The following TGFA variants were observed in gnomAD, a reference collection of about 807,000 sequenced individuals.
The protein encoded by TGFA is protransforming growth factor alpha.
Under a neutral mutation model 21.7 loss-of-function variants are expected in TGFA, and 12 were observed. The observed-to-expected ratio is 0.55, with a 90% confidence interval of 0.35 to 0.90. The LOEUF (loss-of-function observed/expected upper bound fraction) is 0.90, where lower values mean the gene tolerates loss of function less well. TGFA is among the 40% of genes least tolerant of loss of function. TGFA has a pLI of 0.01. For synonymous variants in TGFA, 79 were observed against 88.1 expected (o/e 0.90, Z 0.58); for missense variants, 178 against 210.8 (o/e 0.84, Z 0.96).
intron 4 of TGFA, among the ~76,000 whole-genome samples, chr2:70,454,076 C>T (rs567402965): frequency 6.6e-6 from 1 of 152,164 alleles, no homozygotes; most frequent in South Asian, 2.1e-4. Flanking sequence ...CAGACGCTAC[C>T]AGCCATTTCC....
chr2:70,512,179 C>T (rs569938278), intron 2 of TGFA, among the ~76,000 whole-genome samples: 10 of 152,262 alleles, frequency 6.6e-5, no homozygotes, highest in Admixed American at 5.2e-4. Context: ...CGGTCATCAC[C>T]ACTTGGACTT....
rs567619354 is a variant in TGFA, at chr2:70,516,192, C to T, written c.41-1280G>A. On this transcript the variant is annotated intron_variant, in intron 1 of 5. Transcript: ENST00000295400. ...CAAAAAGATGCCACAGTTGCTGTGC[C>T]GAGGGGCTGGGCCTCTGACAGGTTA... Among the ~76,000 whole-genome samples, 15 of 152,312 alleles carry T rather than the reference C, an allele frequency of 9.8e-5. No homozygotes were observed. The South Asian group carries it at 2.3e-3, about 23-fold the overall frequency.
chr2:70,502,559 G>A (rs1482713487), intron 2 of TGFA, among the ~76,000 whole-genome samples: 1 of 152,136 alleles, frequency 6.6e-6, no homozygotes, highest in Admixed American at 6.5e-5. Context: ...GACCTCGAGT[G>A]ATCTGCTACC....
intron 4 of TGFA, among the ~76,000 whole-genome samples, chr2:70,454,005 GA>G (rs34051238): frequency 5.4e-4 from 78 of 144,480 alleles, no homozygotes; most frequent in Middle Eastern, 3.5e-3. Context: ...GACTTTGCAT[GA>G]AAAAAAAAAA....
chr2:70,509,930 C>T (rs1479185737), intron 2 of TGFA, among the ~76,000 whole-genome samples: 2 of 152,170 alleles, frequency 1.3e-5, no homozygotes, highest in Non-Finnish European at 2.9e-5. Context: ...GGTCATAACT[C>T]CTTCCTGGAG....
intron 1 of TGFA, among the ~76,000 whole-genome samples, chr2:70,538,930 A>G (rs2103926309): frequency 6.6e-6 from 1 of 152,322 alleles, no homozygotes; most frequent in East Asian, 1.9e-4. Flanking sequence ...ATCAATTAGC[A>G]TGGCAAATTT....
At chr2:70,522,777 G>C (rs575825225) in intron 1 of TGFA, among the ~76,000 whole-genome samples, 10 of 152,274 alleles carry the variant, frequency 6.6e-5, no homozygotes, top group East Asian at 1.9e-4. Context: ...TTAAGTAGAC[G>C]TGGGCCATGG....
chr2:70,475,990 A>ACTAAGCTCCT (rs1670909626), intron 2 of TGFA, among the ~76,000 whole-genome samples: 1 of 145,958 alleles, frequency 6.9e-6, no homozygotes, highest in African/African-American at 2.6e-5. Flanking sequence ...ACTCTCTGCC[A>ACTAAGCTCCT]CTAAGCTCCT....
intron 1 of TGFA, among the ~76,000 whole-genome samples, chr2:70,542,778 G>T (rs1401020958): frequency 6.6e-6 from 1 of 152,156 alleles, no homozygotes; most frequent in Admixed American, 6.5e-5. Flanking sequence ...ACAAACTAAG[G>T]TTATTTACCT....
chr2:70,535,398 C>T (rs1198863369), intron 1 of TGFA, among the ~76,000 whole-genome samples: 1 of 152,134 alleles, frequency 6.6e-6, no homozygotes, highest in Non-Finnish European at 1.5e-5. Flanking sequence ...GTGAACAATC[C>T]ACAAAATAAA....
intron 1 of TGFA, among the ~76,000 whole-genome samples, chr2:70,533,054 G>C (rs1672863384): frequency 6.6e-6 from 1 of 151,404 alleles, no homozygotes; most frequent in Non-Finnish European, 1.5e-5. Context: ...TTTTCATAGA[G>C]ACAGGGTTTC....
chr2:70,474,522 AGTG>A (rs1670866620), intron 2 of TGFA, among the ~76,000 whole-genome samples: 1 of 152,188 alleles, frequency 6.6e-6, no homozygotes, highest in Non-Finnish European at 1.5e-5. Context: ...TTGGGGGAGG[AGTG>A]GGGAACTATA....
chr2:70,521,609 G>GTTGTTTTTT (rs1432347684), intron 1 of TGFA, among the ~76,000 whole-genome samples: 21 of 78,880 alleles, frequency 2.7e-4, no homozygotes, highest in South Asian at 1.9e-3. Flanking sequence ...TTTTGTTGTT[G>GTTGTTTTTT]TTTGTTTGTT....
intron 2 of TGFA, among the ~76,000 whole-genome samples, chr2:70,509,623 C>A (rs113761021): frequency 1.8e-3 from 272 of 152,312 alleles, no homozygotes; most frequent in African/African-American, 6.2e-3. Flanking sequence ...TGTCCCTAGA[C>A]ACAGGCCAGA....
chr2:70,468,124 A>G (rs960864722), intron 2 of TGFA, among the ~76,000 whole-genome samples: 12 of 152,370 alleles, frequency 7.9e-5, no homozygotes, highest in African/African-American at 2.9e-4. Context: ...TGACAATCCC[A>G]AGATATGAAT....
chr2:70,546,732 C>CCAG (rs1673317579), intron 1 of TGFA, among the ~76,000 whole-genome samples: 1 of 151,954 alleles, frequency 6.6e-6, no homozygotes, highest in Non-Finnish European at 1.5e-5. Context: ...CATCTTTGAT[C>CCAG]CAGCCATGGT....
chr2:70,552,293 T>C (rs1025888609), intron 1 of TGFA, among the ~76,000 whole-genome samples: 2 of 152,258 alleles, frequency 1.3e-5, no homozygotes, highest in Non-Finnish European at 2.9e-5. Flanking sequence ...ACTTGGACTG[T>C]GTCTGACACA....
chr2:70,529,553 G>C (rs1672747987), intron 1 of TGFA, among the ~76,000 whole-genome samples: 1 of 151,700 alleles, frequency 6.6e-6, no homozygotes, highest in Non-Finnish European at 1.5e-5. Context: ...GAAATATCTG[G>C]AGGAAGAGCA....
rs1468898816 is a variant in TGFA at position 70,450,805 on chromosome 2, C to G, written c.*54G>C. On this transcript the variant is annotated 3_prime_UTR_variant, in exon 6 of 6. Coordinates refer to ENST00000295400, the MANE Select transcript of TGFA (RefSeq NM_003236.4). ...TCTGGCAGTGCTGTCCTGAAGAAGC[C>G]TTTCTTTATTGATCTGCCACAGTCC... 20 of 1,598,386 alleles carry G rather than the reference C, an allele frequency of 1.3e-5. No individual in the cohort carries two copies. The highest frequency in any genetic ancestry group is 1.7e-5 in the Non-Finnish European group (20 of 1,170,648).
Sources: gnomAD v4.1 joint callset for allele counts (sites outside exome capture counted in the v4.1 genomes callset) on GRCh38, gnomAD v4.1.1 for gene constraint, MANE v1.5 for transcripts, NCBI Gene and HGNC (gene_info 2026-07-23, HGNC 2026-07-21) for gene names.